TMEM132B: variants seen among roughly 807,000 people sequenced by gnomAD.
The protein encoded by TMEM132B is transmembrane protein 132B.
Under a neutral mutation model 90.8 loss-of-function variants are expected in TMEM132B, and 18 were observed. The observed-to-expected ratio is 0.20, with a 90% CI of 0.14 to 0.29. TMEM132B has a LOEUF of 0.29. TMEM132B is among the 10% of genes least tolerant of loss of function. The pLI, the probability that TMEM132B is intolerant of heterozygous loss-of-function variation, is 1.00. For missense variants in TMEM132B, 1,096 were observed against 1,326.8 expected, an observed-to-expected ratio of 0.83 and a Z score of 2.70; for synonymous variants, 504 against 523.3, an observed-to-expected ratio of 0.96 and a Z score of 0.50.
intron 3 of TMEM132B, among the ~76,000 whole-genome samples, chr12:125,488,551 C>A (rs1313520979): frequency 6.6e-6 from 1 of 152,118 alleles, no homozygotes; most frequent in Non-Finnish European, 1.5e-5. Context: ...TGGGAACTGC[C>A]CTGCACAAGC....
At chr12:125,258,297 T>A (rs568500722) in intron 1 of TMEM132B, among the ~76,000 whole-genome samples, 18 of 152,206 alleles carry the variant, frequency 1.2e-4, no homozygotes, top group African/African-American at 4.3e-4. Flanking sequence ...GTTCTATGAG[T>A]TGGGAATTTG....
At position 125,459,305 on chromosome 12, in the gene TMEM132B, C is replaced by T. The variant is rs535037312; in HGVS notation, c.1106+43628C>T. 6.6e-6 allele frequency among the ~76,000 whole-genome samples: 1 copy of T among 152,284 alleles called. No individual in the cohort carries two copies. Among genetic ancestry groups the T allele is most frequent in the East Asian group, 1.9e-4 (1 of 5,182 alleles). On this transcript the variant is annotated intron_variant, in intron 3 of 8. Coordinates refer to ENST00000682704, the MANE Select transcript of TMEM132B (RefSeq NM_001366854.1). The surrounding 1 kb of genome is among the most constrained non-coding windows in gnomAD (Gnocchi z 4.1). ...GGAGGTCCCAGGAGTATGAACACTG[C>T]TGCCTCCCACTGTTATCCTGCATGC...
intron 5 of TMEM132B, among the ~76,000 whole-genome samples, chr12:125,625,384 C>G (rs189533969): frequency 2.0e-5 from 3 of 152,106 alleles, no homozygotes; most frequent in Non-Finnish European, 4.4e-5. Flanking sequence ...CCGCCCACCT[C>G]GGCCTCCCAA....
intron 5 of TMEM132B, among the ~76,000 whole-genome samples, chr12:125,631,393 G>A (rs1240231384): frequency 1.3e-5 from 2 of 152,060 alleles, no homozygotes; most frequent in Admixed American, 1.3e-4. Flanking sequence ...TTTAAGACTT[G>A]TTTTGTGACC....
At chr12:125,626,799 G>C (rs1482893725) in intron 5 of TMEM132B, among the ~76,000 whole-genome samples, 6 of 152,034 alleles carry the variant, frequency 3.9e-5, no homozygotes, top group Non-Finnish European at 8.8e-5. Flanking sequence ...TGTCCTCTTT[G>C]GTTTCACATG....
chr12:125,376,617 A>G (rs1367481404), intron 2 of TMEM132B, among the ~76,000 whole-genome samples: 1 of 152,158 alleles, frequency 6.6e-6, no homozygotes, highest in Non-Finnish European at 1.5e-5. Flanking sequence ...CCACTTCCCC[A>G]CTTCCTGGAG....
intron 1 of TMEM132B, among the ~76,000 whole-genome samples, chr12:125,221,019 A>C (rs1355634120): frequency 6.6e-6 from 1 of 152,216 alleles, no homozygotes; most frequent in Non-Finnish European, 1.5e-5. Flanking sequence ...TCATACCCTC[A>C]GTTCATGACT....
At chr12:125,455,284 G>A (rs765437177) in intron 3 of TMEM132B, among the ~76,000 whole-genome samples, 7 of 152,186 alleles carry the variant, frequency 4.6e-5, no homozygotes, top group Non-Finnish European at 1.0e-4. Context: ...AGTGGTGAAT[G>A]CTATCTTGGG....
intron 3 of TMEM132B, among the ~76,000 whole-genome samples, chr12:125,483,086 G>T (rs1882093294): frequency 6.6e-6 from 1 of 151,112 alleles, no homozygotes; most frequent in South Asian, 2.1e-4. Context: ...CACACACTGG[G>T]GCCTGTCGTG....
At chr12:125,385,830 G>A (rs1039637630) in intron 2 of TMEM132B, among the ~76,000 whole-genome samples, 2 of 152,160 alleles carry the variant, frequency 1.3e-5, no homozygotes, top group African/African-American at 2.4e-5. Context: ...ATATTTGAGT[G>A]TCTTATATTT....
intron 3 of TMEM132B, among the ~76,000 whole-genome samples, chr12:125,426,859 A>G (rs1880332548): frequency 6.6e-6 from 1 of 152,248 alleles, no homozygotes; most frequent in African/African-American, 2.4e-5. Context: ...GAATTGAACC[A>G]GTAGGCAGCG....
chr12:125,619,330 ATATTTATT>A (rs58234813), intron 5 of TMEM132B, among the ~76,000 whole-genome samples: 39,213 of 139,412 alleles, frequency 0.28, 6,129 homozygotes, highest in East Asian at 0.51. Context: ...GCATTTATTT[ATATTTATT>A]TATTTATTTA....
At chr12:125,631,319 T>C (rs1886364435) in intron 5 of TMEM132B, among the ~76,000 whole-genome samples, 1 of 152,162 alleles carries the variant, frequency 6.6e-6, no homozygotes, top group African/African-American at 2.4e-5. Context: ...TGTTATTGAT[T>C]TCTAGTTTTA....
At chr12:125,231,429 G>T (rs1272743334) in intron 1 of TMEM132B, among the ~76,000 whole-genome samples, 1 of 152,184 alleles carries the variant, frequency 6.6e-6, no homozygotes, top group Non-Finnish European at 1.5e-5. Flanking sequence ...TCCAAGAAAT[G>T]TGGGGTTTTT....
chr12:125,346,436 T>G (rs558500198), intron 1 of TMEM132B, among the ~76,000 whole-genome samples: 2 of 152,352 alleles, frequency 1.3e-5, no homozygotes, highest in East Asian at 3.9e-4. Flanking sequence ...TGTGCCTGCT[T>G]AGCCCAGCTG....
chr12:125,222,406 G>A, intron 1 of TMEM132B, among the ~76,000 whole-genome samples: 1 of 152,116 alleles, frequency 6.6e-6, no homozygotes, highest in East Asian at 1.9e-4. Context: ...TGTATGCCAG[G>A]AGATCGTAAA....
chr12:125,641,570 T>C (rs1886631877), intron 5 of TMEM132B, among the ~76,000 whole-genome samples: 1 of 152,230 alleles, frequency 6.6e-6, no homozygotes, highest in Admixed American at 6.5e-5. Context: ...ATAGTCAACA[T>C]AAAGAATTGC....
intron 3 of TMEM132B, among the ~76,000 whole-genome samples, chr12:125,436,077 G>A (rs901372583): frequency 2.0e-5 from 3 of 152,136 alleles, no homozygotes; most frequent in East Asian, 1.9e-4. Context: ...TGGGCGTTGC[G>A]GTCTTTGCCT....
intron 5 of TMEM132B, among the ~76,000 whole-genome samples, chr12:125,591,557 G>C (rs151125344): frequency 7.9e-4 from 120 of 152,252 alleles, no homozygotes; most frequent in Non-Finnish European, 1.3e-3. Context: ...TTTTGACAAA[G>C]GTATTAGTTT....
Sources: gnomAD v4.1 joint callset for allele counts (sites outside exome capture counted in the v4.1 genomes callset) on GRCh38, gnomAD v4.1.1 for gene constraint, Gnocchi (gnomAD v3.1) non-coding constraint, MANE v1.5 for transcripts, NCBI Gene and HGNC (gene_info 2026-07-23, HGNC 2026-07-21) for gene names.